AUTS2: variants seen among roughly 807,000 people sequenced by gnomAD.
AUTS2 encodes the protein autism susceptibility gene 2 protein.
Under a neutral mutation model 112.4 loss-of-function variants are expected in AUTS2, and 17 were observed. The ratio of observed to expected loss-of-function variants is 0.15; its 90% CI spans 0.10 to 0.23. The LOEUF (loss-of-function observed/expected upper bound fraction) is 0.23. AUTS2 is among the 10% of genes least tolerant of loss of function. The probability of loss-of-function intolerance (pLI) is 1.00; values close to 1 mark genes in which losing one functional copy is unlikely to be tolerated. For synonymous variants in AUTS2, 751 were observed against 702.7 expected, an observed-to-expected ratio of 1.07 and a Z score of -1.09; for missense variants, 1,510 against 1,701.6, an observed-to-expected ratio of 0.89 and a Z score of 1.98.
At chr7:70,390,349 C>T (rs1793797402) in intron 4 of AUTS2, among the ~76,000 whole-genome samples, 1 of 152,182 alleles carries the variant, frequency 6.6e-6, no homozygotes, top group Non-Finnish European at 1.5e-5. Flanking sequence ...GGTGATGGTG[C>T]TAATGCTGCC....
chr7:69,817,872 T>C (rs1790830625), intron 1 of AUTS2, among the ~76,000 whole-genome samples: 1 of 152,116 alleles, frequency 6.6e-6, no homozygotes, highest in South Asian at 2.1e-4. Flanking sequence ...TACCTAATAA[T>C]ATCTTTGTGT....
intron 1 of AUTS2, among the ~76,000 whole-genome samples, chr7:69,661,416 A>G (rs1562793097): frequency 6.6e-6 from 1 of 152,332 alleles, no homozygotes; most frequent in East Asian, 1.9e-4. Flanking sequence ...GAGGTGGGGC[A>G]AAATTACTGT....
intron 5 of AUTS2, among the ~76,000 whole-genome samples, chr7:70,648,757 T>A (rs925604094): frequency 7.9e-5 from 12 of 152,028 alleles, no homozygotes; most frequent in Admixed American, 1.3e-4. Context: ...AATTTTTTTT[T>A]AAATTTTTGG....
chr7:69,787,468 A>T (rs1006286536), intron 1 of AUTS2, among the ~76,000 whole-genome samples: 1 of 152,214 alleles, frequency 6.6e-6, no homozygotes, highest in South Asian at 2.1e-4. Context: ...GAGCAAGAGG[A>T]ATCTGCCACC....
At chr7:69,868,104 T>C (rs1793317992) in intron 1 of AUTS2, among the ~76,000 whole-genome samples, 1 of 152,166 alleles carries the variant, frequency 6.6e-6, no homozygotes, top group African/African-American at 2.4e-5. Flanking sequence ...GTGTTAAATA[T>C]TCCCAATGCT....
At chr7:70,434,904 T>C (rs898395484) in intron 4 of AUTS2, among the ~76,000 whole-genome samples, 2 of 152,256 alleles carry the variant, frequency 1.3e-5, no homozygotes, top group South Asian at 2.1e-4. Context: ...CAGTTTTTCA[T>C]TGAATATTGA....
intron 1 of AUTS2, among the ~76,000 whole-genome samples, chr7:69,635,220 A>G (rs1794459561): frequency 6.6e-6 from 1 of 152,200 alleles, no homozygotes; most frequent in South Asian, 2.1e-4. Flanking sequence ...CAAAATGGGA[A>G]TTGATTCAGT....
intron 1 of AUTS2, among the ~76,000 whole-genome samples, chr7:69,894,981 C>T (rs1794683772): frequency 1.3e-5 from 2 of 151,926 alleles, no homozygotes; most frequent in African/African-American, 4.8e-5. Flanking sequence ...TCATTGATCC[C>T]AAAAAGTTTT....
chr7:70,613,755 G>A lies in AUTS2; in HGVS notation c.691-84814G>A, dbSNP rs1804214450. On this transcript the variant is annotated intron_variant, in intron 5 of 18. Transcript: ENST00000342771. ...ATGGAACAAAGCAAGATCCATAGAT[G>A]CGAGAAGAGAAATTAATCAGAACAT... is the stretch of plus-strand genomic sequence containing the variant. Among the ~76,000 whole-genome samples, 3 of 152,222 alleles carry A rather than the reference G, an allele frequency of 2.0e-5. No individual in the cohort carries two copies. The South Asian group carries it at 6.2e-4, about 31-fold the overall frequency.
chr7:70,698,726 G>A, intron 6 of AUTS2, 106 bp downstream of exon 6: 2 of 913,388 alleles, frequency 2.2e-6, no homozygotes. Flanking sequence ...TTATAATTCT[G>A]AAGCTACTGT....
intron 1 of AUTS2, among the ~76,000 whole-genome samples, chr7:69,847,114 C>A (rs1382123771): frequency 1.3e-5 from 2 of 152,114 alleles, no homozygotes. Flanking sequence ...CCAGTACATG[C>A]ATAATTGCTT....
intron 1 of AUTS2, among the ~76,000 whole-genome samples, chr7:69,736,543 G>T (rs958885957): frequency 6.6e-6 from 1 of 152,166 alleles, no homozygotes; most frequent in Non-Finnish European, 1.5e-5. Flanking sequence ...AATTATTTTA[G>T]AGAAGATATA....
At chr7:70,668,690 G>A (rs978926635) in intron 5 of AUTS2, among the ~76,000 whole-genome samples, 1 of 152,202 alleles carries the variant, frequency 6.6e-6, no homozygotes, top group African/African-American at 2.4e-5. Context: ...AGTTTATCAC[G>A]TTAGGCAGTT....
intron 1 of AUTS2, among the ~76,000 whole-genome samples, chr7:69,757,578 CTA>C (rs1787992442): frequency 6.6e-6 from 1 of 152,118 alleles, no homozygotes; most frequent in African/African-American, 2.4e-5. Context: ...GAATATTTTG[CTA>C]TGATGTTGAC....
chr7:70,790,159 G>A lies in AUTS2; in HGVS notation c.2943G>A (p.Lys981=), dbSNP rs747376255. Residue 981 remains lysine, a synonymous_variant, in exon 19 of 19, where the codon AAG becomes AAA. Transcript: ENST00000342771. The surrounding 1 kb of genome is among the most constrained non-coding windows in gnomAD (Gnocchi z 7.6). ...ACCCCAAGAAGAGCTCCGAGGTCAA[G>A]GTGAAGGAGGAGCGGAAGGAAGACC... ...YENPKKSSEV[K]VKEERKEDHD... 8.7e-6 allele frequency: 14 copies of A among 1,611,874 alleles called. No individual in the cohort carries two copies. Among genetic ancestry groups the A allele is most frequent in the Middle Eastern group, 3.3e-4 (2 of 6,084 alleles).
At chr7:70,543,939 T>G (rs1157430171) in intron 5 of AUTS2, among the ~76,000 whole-genome samples, 2 of 152,204 alleles carry the variant, frequency 1.3e-5, no homozygotes, top group Non-Finnish European at 2.9e-5. Context: ...AAGGGATGTG[T>G]ACCCTCTCTT....
At chr7:70,769,004 A>G (rs183338884) in intron 10 of AUTS2, among the ~76,000 whole-genome samples, 67 of 151,930 alleles carry the variant, frequency 4.4e-4, no homozygotes, top group African/African-American at 1.5e-3. Context: ...GAGAAGTGCT[A>G]CTTTAATAGA....
intron 2 of AUTS2, among the ~76,000 whole-genome samples, chr7:69,932,475 T>C (rs180945535): frequency 8.5e-5 from 13 of 152,276 alleles, no homozygotes. Context: ...AATTGCAACA[T>C]TGATTTGGTA....
At chr7:70,659,440 G>A (rs1026584625) in intron 5 of AUTS2, among the ~76,000 whole-genome samples, 8 of 152,240 alleles carry the variant, frequency 5.3e-5, no homozygotes, top group South Asian at 2.1e-4. Context: ...CCACTGTCCC[G>A]CAGCCTCATC....
Sources: gnomAD v4.1 joint callset for allele counts (sites outside exome capture counted in the v4.1 genomes callset) on GRCh38, gnomAD v4.1.1 for gene constraint, Gnocchi (gnomAD v3.1) non-coding constraint, MANE v1.5 for transcripts, NCBI Gene and HGNC (gene_info 2026-07-23, HGNC 2026-07-21) for gene names.